NXPE2: variants seen among roughly 807,000 people sequenced by gnomAD.
NXPE2 encodes the protein neurexophilin and PC-esterase domain family member 2.
Under a neutral mutation model 34.4 loss-of-function variants are expected in NXPE2, and 34 were observed. That is an observed-to-expected ratio of 0.99 (90% CI 0.75 to 1.31). The LOEUF (loss-of-function observed/expected upper bound fraction) is 1.31. Ranked by LOEUF, NXPE2 falls within the 40% of genes most tolerant of loss-of-function variation. The pLI, the probability that NXPE2 is intolerant of heterozygous loss-of-function variation, is 0.00. For missense variants in NXPE2, 649 were observed against 672.5 expected (o/e 0.97, Z 0.39); for synonymous variants, 235 against 231.3 (o/e 1.02, Z -0.15).
chr11:114,713,877 G>A, the NXPE2 span, among the ~76,000 whole-genome samples: 8 of 152,130 alleles, frequency 5.3e-5, no homozygotes, highest in Non-Finnish European at 1.0e-4. Context: ...AATAATTTGT[G>A]TAAAAATTCT....
chr11:114,715,343 C>G, the NXPE2 span, among the ~76,000 whole-genome samples: 21 of 152,090 alleles, frequency 1.4e-4, no homozygotes, highest in Non-Finnish European at 2.4e-4. Flanking sequence ...TATGTAATTG[C>G]GCAAAATCAA....
chr11:114,613,761 T>C, the NXPE2 span, among the ~76,000 whole-genome samples: 2 of 151,886 alleles, frequency 1.3e-5, no homozygotes, highest in African/African-American at 4.8e-5. Flanking sequence ...CGGTGGATAA[T>C]AAGTGTTGCC....
At chr11:114,602,351 C>T in the NXPE2 span, among the ~76,000 whole-genome samples, 1 of 122,008 alleles carries the variant, frequency 8.2e-6, no homozygotes. Flanking sequence ...ATAACATATA[C>T]TATATATAAT....
chr11:114,804,730 T>C, the NXPE2 span, among the ~76,000 whole-genome samples: 24 of 152,198 alleles, frequency 1.6e-4, no homozygotes, highest in Admixed American at 1.5e-3. Context: ...TGAGTTGCTT[T>C]GTAGCTCTTC....
At chr11:114,567,164 C>T in the NXPE2 span, among the ~76,000 whole-genome samples, 31,617 of 152,022 alleles carry the variant, frequency 0.21, 4,356 homozygotes, top group African/African-American at 0.38. Context: ...ACCTTGCAGC[C>T]TCATCCTGGC....
the NXPE2 span, among the ~76,000 whole-genome samples, chr11:114,495,278 C>T: frequency 2.0e-5 from 3 of 151,982 alleles, no homozygotes; most frequent in South Asian, 6.2e-4. Context: ...GAAATCCAGC[C>T]AGGCTTACGT....
chr11:114,530,269 G>T, the NXPE2 span: 1 of 1,614,154 alleles, frequency 6.2e-7, no homozygotes, highest in Non-Finnish European at 8.5e-7. Context: ...ATGTGTTGAG[G>T]CTTCATACAA....
the NXPE2 span, among the ~76,000 whole-genome samples, chr11:114,806,822 A>C: frequency 6.6e-6 from 1 of 151,988 alleles, no homozygotes; most frequent in African/African-American, 2.4e-5. Flanking sequence ...CAACATTCAG[A>C]TTCAGGAAAT....
the NXPE2 span, among the ~76,000 whole-genome samples, chr11:114,727,334 CA>C: frequency 6.6e-6 from 1 of 151,956 alleles, no homozygotes; most frequent in African/African-American, 2.4e-5. Context: ...TAAGAAAAAG[CA>C]GAACTCTCTG....
the NXPE2 span, among the ~76,000 whole-genome samples, chr11:114,467,730 G>A: frequency 2.2e-3 from 341 of 152,026 alleles, 2 homozygotes; most frequent in African/African-American, 7.8e-3. Context: ...AGTCCAGGAG[G>A]TGGAGGCCAG....
At chr11:114,519,730 GTC>G in the NXPE2 span, among the ~76,000 whole-genome samples, 1 of 152,044 alleles carries the variant, frequency 6.6e-6, no homozygotes, top group Non-Finnish European at 1.5e-5. Context: ...ACACGTATTT[GTC>G]TTGTGTGTGG....
chr11:114,643,761 G>T, the NXPE2 span, among the ~76,000 whole-genome samples: 1 of 151,902 alleles, frequency 6.6e-6, no homozygotes, highest in East Asian at 1.9e-4. Flanking sequence ...GGTACCATAT[G>T]AAACTTAAAG....
At chr11:114,526,505 A>T in the NXPE2 span, 1 of 66,292 alleles carries the variant, frequency 1.5e-5, no homozygotes, top group African/African-American at 5.6e-5. Context: ...CACAAAGTGG[A>T]TCATACCACT....
the NXPE2 span, chr11:114,551,239 C>T: frequency 2.3e-5 from 33 of 1,415,354 alleles, no homozygotes; most frequent in South Asian, 1.1e-4. Context: ...AGAGAGGAGT[C>T]GTGAGAAGTG....
the NXPE2 span, among the ~76,000 whole-genome samples, chr11:114,753,494 T>C: frequency 6.6e-5 from 10 of 152,348 alleles, no homozygotes; most frequent in Middle Eastern, 3.4e-3. Context: ...TTCTCTTTTA[T>C]CCTTTAAAAA....
At chr11:114,791,937 A>G in the NXPE2 span, among the ~76,000 whole-genome samples, 1 of 152,194 alleles carries the variant, frequency 6.6e-6, no homozygotes, top group Admixed American at 6.5e-5. Flanking sequence ...GGGCGCCTGT[A>G]GTCACAGCTA....
At chr11:114,711,001 A>G (rs1479901068), downstream of NXPE2, among the ~76,000 whole-genome samples, 2 of 152,212 alleles carry the variant, frequency 1.3e-5, no homozygotes, top group Admixed American at 6.5e-5. Context: ...CTACATGATC[A>G]TCTCAATTGA....
At chr11:114,514,263 G>A in the NXPE2 span, among the ~76,000 whole-genome samples, 90,858 of 152,028 alleles carry the variant, frequency 0.6, 28,924 homozygotes, top group African/African-American at 0.84. Context: ...GGACGTATAG[G>A]TTTTCTTAAT....
the NXPE2 span, among the ~76,000 whole-genome samples, chr11:114,801,209 G>A: frequency 6.6e-6 from 1 of 152,220 alleles, no homozygotes; most frequent in African/African-American, 2.4e-5. Context: ...ATATCAGATT[G>A]TGATAAGATA....
Sources: gnomAD v4.1 joint callset for allele counts (sites outside exome capture counted in the v4.1 genomes callset) on GRCh38, gnomAD v4.1.1 for gene constraint, MANE v1.5 for transcripts, NCBI Gene and HGNC (gene_info 2026-07-23, HGNC 2026-07-21) for gene names.